Variants in CDYL observed in about 807,000 individuals in gnomAD.
CDYL encodes the protein chromodomain Y-like protein.
In CDYL, 8 loss-of-function variants were observed where a neutral mutation model predicts 47.3. That is an observed-to-expected ratio of 0.17 (90% CI 0.10 to 0.31). The LOEUF (loss-of-function observed/expected upper bound fraction) is 0.31, where lower values mean the gene tolerates loss of function less well. Among genes scored for constraint, CDYL ranks in the 10% least tolerant of loss-of-function variants. CDYL has a pLI of 1.00. For synonymous variants in CDYL, 266 were observed against 265.0 expected (o/e 1.00, Z -0.04); for missense variants, 471 against 701.4 (o/e 0.67, Z 3.71).
intron 2 of CDYL, among the ~76,000 whole-genome samples, chr6:4,916,195 C>T (rs1321461188): frequency 1.3e-5 from 2 of 152,234 alleles, no homozygotes; most frequent in Non-Finnish European, 2.9e-5. Context: ...TGATCCTTAA[C>T]CTCGGTAAAA....
chr6:4,764,833 G>A lies in CDYL; in HGVS notation c.186+29989G>A, dbSNP rs114710033. On this transcript the variant is annotated intron_variant, in intron 3 of 8. Transcript: ENST00000328908. Reference sequence around the variant, plus strand: ...ATAGAATATTTGAACAACATAAACAGTAAAATACAGCAAAATTAAACACAC... The same window carrying A: ...ATAGAATATTTGAACAACATAAACAATAAAATACAGCAAAATTAAACACAC... Among the ~76,000 whole-genome samples, 1,411 of 151,446 alleles carry A rather than the reference G, an allele frequency of 9.3e-3. 9 individuals carry two copies. The highest frequency in any genetic ancestry group is 0.019 in the South Asian group (90 of 4,772).
chr6:4,884,837 G>A (rs1281401182), intron 1 of CDYL, among the ~76,000 whole-genome samples: 5 of 152,124 alleles, frequency 3.3e-5, no homozygotes, highest in Admixed American at 6.5e-5. Flanking sequence ...TCAGGTAACC[G>A]GTACAAGCAA....
chr6:4,861,837 C>T (rs774607622), intron 1 of CDYL, among the ~76,000 whole-genome samples: 1 of 152,156 alleles, frequency 6.6e-6, no homozygotes, highest in Non-Finnish European at 1.5e-5. Context: ...TTGACTTCTC[C>T]ACTCAGCAAG....
intron 3 of CDYL, among the ~76,000 whole-genome samples, chr6:4,755,762 A>C (rs1032207815): frequency 1.3e-5 from 2 of 152,184 alleles, no homozygotes; most frequent in Non-Finnish European, 2.9e-5. Flanking sequence ...CACTTTACCT[A>C]TTAGGAAATT....
intron 3 of CDYL, among the ~76,000 whole-genome samples, chr6:4,766,638 CACAA>C (rs749144127): frequency 5.7e-4 from 86 of 152,198 alleles, no homozygotes; most frequent in Non-Finnish European, 9.6e-4. Flanking sequence ...GGCATTCATA[CACAA>C]ACTAAAAATT....
chr6:4,908,492 T>A (rs187468805), intron 2 of CDYL, among the ~76,000 whole-genome samples: 10 of 152,312 alleles, frequency 6.6e-5, no homozygotes, highest in Admixed American at 6.5e-4. Flanking sequence ...AGCCTTTAGC[T>A]TTGCAGATTA....
At chr6:4,911,868 G>A (rs1371013581) in intron 2 of CDYL, among the ~76,000 whole-genome samples, 2 of 152,182 alleles carry the variant, frequency 1.3e-5, no homozygotes, top group African/African-American at 4.8e-5. Flanking sequence ...CAAAAAGATA[G>A]TAAAGTTGAG....
chr6:4,890,231 C>T, intron 1 of CDYL: 4 of 865,664 alleles, frequency 4.6e-6, no homozygotes, highest in Non-Finnish European at 5.6e-6. Flanking sequence ...TCTGCAAAAA[C>T]GTCATCTATG....
rs70974136 is a variant in CDYL, at chr6:4,787,765, CTTTTTTTTTT to C, written c.24+10972_24+10981del. On this transcript the variant is annotated intron_variant, in intron 1 of 6. Coordinates refer to ENST00000397588, the MANE Select transcript of CDYL (RefSeq NM_004824.4). Reference sequence around the variant, plus strand: ...GGACAGGCTGCTCTGAAATTCAAGTCTTTTTTTTTTTTTTTTTTTTTTTGGGAGACAGAGT... The same window carrying C: ...GGACAGGCTGCTCTGAAATTCAAGTCTTTTTTTTTTTTTGGGAGACAGAGT... 1.0e-3 allele frequency among the ~76,000 whole-genome samples: 72 copies of C among 69,438 alleles called. 1 individual carries two copies. The South Asian group carries it at 0.042, about 40-fold the overall frequency. The allele number at this position is 69,438 out of a possible 152,430, so 45.6% of individuals were successfully genotyped here.
intron 1 of CDYL, among the ~76,000 whole-genome samples, chr6:4,857,713 T>C (rs1387697109): frequency 2.6e-5 from 4 of 152,210 alleles, no homozygotes; most frequent in Admixed American, 2.6e-4. Context: ...TTCAATACAA[T>C]CTGTCATTGG....
chr6:4,854,372 GTA>G (rs1299515789), intron 1 of CDYL, among the ~76,000 whole-genome samples: 1 of 152,182 alleles, frequency 6.6e-6, no homozygotes, highest in Non-Finnish European at 1.5e-5. Context: ...TACTAGTCAT[GTA>G]TTTACCCCAT....
At chr6:4,899,289 G>C (rs1361021428) in intron 2 of CDYL, among the ~76,000 whole-genome samples, 1 of 152,170 alleles carries the variant, frequency 6.6e-6, no homozygotes, top group Admixed American at 6.5e-5. Context: ...GAATTACAGT[G>C]GTGAAAGACA....
intron 1 of CDYL, among the ~76,000 whole-genome samples, chr6:4,823,295 C>T (rs1759890972): frequency 6.6e-6 from 1 of 152,160 alleles, no homozygotes; most frequent in African/African-American, 2.4e-5. Flanking sequence ...AATTCCATTT[C>T]CAAATTATGT....
intron 1 of CDYL, among the ~76,000 whole-genome samples, chr6:4,835,354 T>TG: frequency 6.6e-6 from 1 of 152,354 alleles, no homozygotes; most frequent in South Asian, 2.1e-4. Context: ...CCTGTTTGCC[T>TG]GGGTATCAGC....
rs879895642 is a variant in CDYL, at chr6:4,887,882, CT to C, written c.25-3817del. On this transcript the variant is annotated intron_variant, in intron 1 of 6. Coordinates refer to ENST00000397588, the MANE Select transcript of CDYL (RefSeq NM_004824.4). ...CCCTCTATTTCTAGTTTACTGACTT[CT>C]TTTTTTTTTTTTTAATCATGAAGAG... 3.7e-3 allele frequency among the ~76,000 whole-genome samples: 469 copies of C among 126,616 alleles called. 1 individual carries two copies. The highest frequency in any genetic ancestry group is 9.0e-3 in the Middle Eastern group (2 of 222). The allele number at this position is 126,616 out of a possible 152,430, so 83.1% of individuals were successfully genotyped here.
intron 1 of CDYL, among the ~76,000 whole-genome samples, chr6:4,713,839 C>T (rs561374174): frequency 3.3e-5 from 5 of 152,296 alleles, no homozygotes; most frequent in East Asian, 1.9e-4. Context: ...CTGCCTGCCT[C>T]GGCCTCCCAA....
rs1330431504 is a variant in CDYL, at chr6:4,954,362, C to G, written c.*306C>G. 2.1e-5 allele frequency: 4 copies of G among 189,976 alleles called. No individual in the cohort carries two copies. The highest frequency in any genetic ancestry group is 4.3e-5 in the Non-Finnish European group (4 of 93,310). 11.8% of individuals were successfully genotyped at this position (189,976 alleles called of 1,614,324 possible). On this transcript the variant is annotated 3_prime_UTR_variant, in exon 7 of 7. Transcript: ENST00000397588. ...AAGCTCTAATTTTTGTTTTCTTTGG[C>G]TAGTACTGTATAAAAAACAGAATTG...
intron 1 of CDYL, among the ~76,000 whole-genome samples, chr6:4,873,054 G>A (rs1761519207): frequency 1.3e-5 from 2 of 152,214 alleles, no homozygotes; most frequent in Non-Finnish European, 2.9e-5. Flanking sequence ...AGTTGTAGCA[G>A]CTGTGTGGGA....
chr6:4,785,367 T>C (rs1224604229), intron 1 of CDYL, among the ~76,000 whole-genome samples: 1 of 152,238 alleles, frequency 6.6e-6, no homozygotes, highest in African/African-American at 2.4e-5. Context: ...ATGTCTTTTA[T>C]TTACTTTTTG....
Sources: allele counts gnomAD v4.1 joint callset (sites outside exome capture counted in the v4.1 genomes callset), GRCh38; gene constraint gnomAD v4.1.1; transcripts MANE v1.5; gene names NCBI Gene and HGNC (gene_info 2026-07-23, HGNC 2026-07-21).